The following ERI3 variants were observed in gnomAD, a reference collection of about 807,000 sequenced individuals.
The protein encoded by ERI3 is ERI1 exoribonuclease 3.
A neutral mutation model predicts 44.4 loss-of-function variants in ERI3; 18 were observed. That is an observed-to-expected ratio of 0.41 (90% CI 0.28 to 0.60). The LOEUF (loss-of-function observed/expected upper bound fraction) is 0.60, where lower values mean the gene tolerates loss of function less well. Among genes scored for constraint, ERI3 ranks in the 20% least tolerant of loss-of-function variants. ERI3 has a pLI of 0.36. For missense variants in ERI3, 294 were observed against 435.5 expected (o/e 0.68, Z 2.89); for synonymous variants, 183 against 164.8 (o/e 1.11, Z -0.84).
At chr1:44,319,790 C>A in intron 3 of ERI3, 46 bp from the exon 4 acceptor site, 1 of 1,330,402 alleles carries the variant, frequency 7.5e-7, no homozygotes, top group Non-Finnish European at 1.1e-6. Context: ...TTATTGTAAT[C>A]AACCATTTCC....
rs779624686 is a variant in ERI3 at position 44,339,155 on chromosome 1, C to A, written c.379G>T (p.Gly127Cys). 10 of 1,614,020 alleles carry A rather than the reference C, an allele frequency of 6.2e-6. No homozygotes were observed. The highest frequency in any genetic ancestry group is 5.9e-6 in the Non-Finnish European group (7 of 1,179,986). The change falls in exon 3 of 9, where the codon GGC becomes TGC. Residue 127 changes from glycine (G) to cysteine (C), a missense_variant. Physicochemically the swap from Gly to Cys is radical, Grantham distance 159 (BLOSUM62 -3). Coordinates refer to ENST00000372257, the MANE Select transcript of ERI3 (RefSeq NM_024066.3). The part of the protein sequence containing the change: ...SISTRKLAAH[G>C]FGASMAAMVS... ...ATTGCCGCCATGGATGCGCCAAAGC[C>A]GTGGGCCGCCAGCTTTCTGGTGGAT...
rs577051904 is a variant in ERI3 at position 44,221,712 on chromosome 1, G to T, written c.932-72C>A. ...CCATGCCCACAGGTGCTCTTACAAG[G>T]GTGGGGGTGGGAAGCAGGGTCAGAT... is the stretch of plus-strand genomic sequence containing the variant. On this transcript the variant is annotated intron_variant, in intron 8 of 8. Coordinates refer to ENST00000372257, the MANE Select transcript of ERI3 (RefSeq NM_024066.3). The surrounding 1 kb of genome is among the most constrained non-coding windows in gnomAD (Gnocchi z 5.9). 2.4e-6 allele frequency: 3 copies of T among 1,256,686 alleles called. No homozygotes were observed. The East Asian group carries it at 7.0e-5, about 29-fold the overall frequency. 77.8% of individuals were successfully genotyped at this position (1,256,686 alleles called of 1,614,324 possible).
chr1:44,272,353 A>G (rs1165361295), intron 7 of ERI3, among the ~76,000 whole-genome samples: 1 of 152,152 alleles, frequency 6.6e-6, no homozygotes, highest in African/African-American at 2.4e-5. Context: ...GCTAGTGAGT[A>G]GCAATATTAG....
intron 8 of ERI3, chr1:44,244,038 G>A (rs1016989342): frequency 1.3e-5 from 2 of 152,252 alleles, no homozygotes; most frequent in African/African-American, 4.8e-5. Flanking sequence ...CATTAAGACT[G>A]TTGTGAAAAC....
chr1:44,312,708 G>A (rs1204295369), intron 5 of ERI3, among the ~76,000 whole-genome samples: 3 of 152,264 alleles, frequency 2.0e-5, no homozygotes, highest in Non-Finnish European at 2.9e-5. Context: ...AGCTCCTGGA[G>A]GAGCTCTCAG....
intron 8 of ERI3, among the ~76,000 whole-genome samples, chr1:44,239,606 C>T (rs1200022042): frequency 6.6e-6 from 1 of 152,212 alleles, no homozygotes; most frequent in Non-Finnish European, 1.5e-5. Flanking sequence ...GCTCAGCTGG[C>T]CTGGCCTTGG....
intron 4 of ERI3, among the ~76,000 whole-genome samples, chr1:44,317,953 C>G (rs914524722): frequency 6.6e-6 from 1 of 152,138 alleles, no homozygotes; most frequent in African/African-American, 2.4e-5. Flanking sequence ...AGACCCGGTG[C>G]CTACAGAACA....
At chr1:44,265,334 T>C (rs957349205) in intron 7 of ERI3, among the ~76,000 whole-genome samples, 4 of 152,222 alleles carry the variant, frequency 2.6e-5, no homozygotes, top group Non-Finnish European at 5.9e-5. Flanking sequence ...TATACAGCTG[T>C]ACTCACAGCA....
At chr1:44,309,115 C>A (rs1443049046) in intron 5 of ERI3, among the ~76,000 whole-genome samples, 1 of 152,222 alleles carries the variant, frequency 6.6e-6, no homozygotes, top group African/African-American at 2.4e-5. Context: ...CTAAATCTTT[C>A]TTTCCCTTCA....
At chr1:44,281,822 C>T (rs1026713556) in intron 7 of ERI3, among the ~76,000 whole-genome samples, 1 of 151,132 alleles carries the variant, frequency 6.6e-6, no homozygotes, top group African/African-American at 2.4e-5. Flanking sequence ...GGAGTATACT[C>T]ACTTGGGCTG....
intron 7 of ERI3, among the ~76,000 whole-genome samples, chr1:44,269,733 C>G (rs1645054468): frequency 6.6e-6 from 1 of 152,156 alleles, no homozygotes; most frequent in Admixed American, 6.5e-5. Context: ...GGCCAGACTG[C>G]CTTCAGGTGG....
At chr1:44,233,518 C>T (rs552611717) in intron 8 of ERI3, among the ~76,000 whole-genome samples, 61 of 152,008 alleles carry the variant, frequency 4.0e-4, no homozygotes, top group Non-Finnish European at 2.4e-4. Context: ...ATTCTCCTGC[C>T]TTAGCCTCCA....
intron 6 of ERI3, among the ~76,000 whole-genome samples, chr1:44,286,687 G>A (rs987747392): frequency 1.3e-5 from 2 of 152,076 alleles, no homozygotes; most frequent in African/African-American, 4.8e-5. Flanking sequence ...ATCTAATTTT[G>A]GACTCGATTC....
rs1368478825 is a variant in ERI3 at position 44,310,959 on chromosome 1, GCGCGCACACACACA to G, written c.666+2196_666+2209del. ...TTGCATGTATGTGCACATCGCGCGC[GCGCGCACACACACA>G]CACACACACACACACACACACACAC... On this transcript the variant is annotated intron_variant, in intron 5 of 8. Coordinates refer to ENST00000372257, the MANE Select transcript of ERI3 (RefSeq NM_024066.3). Among the ~76,000 whole-genome samples the G allele has an allele frequency of 5.7e-3, 465 of 81,280 alleles. 4 individuals carry two copies. The highest frequency in any genetic ancestry group is 9.2e-3 in the Non-Finnish European group (378 of 41,258). The allele number at this position is 81,280 out of a possible 152,430, so 53.3% of individuals were successfully genotyped here.
chr1:44,259,670 T>C (rs1349702429), intron 7 of ERI3, among the ~76,000 whole-genome samples: 3 of 108,698 alleles, frequency 2.8e-5, no homozygotes, highest in Non-Finnish European at 5.5e-5. Flanking sequence ...GGCAAAATCC[T>C]ATCTCTACAA....
At chr1:44,307,279 G>A (rs1296018618) in intron 6 of ERI3, among the ~76,000 whole-genome samples, 4 of 152,072 alleles carry the variant, frequency 2.6e-5, no homozygotes, top group Admixed American at 2.6e-4. Context: ...TCACCTCAAT[G>A]CCCAGCATTC....
chr1:44,292,143 C>G (rs776319832), intron 6 of ERI3, among the ~76,000 whole-genome samples: 5 of 152,166 alleles, frequency 3.3e-5, no homozygotes, highest in Non-Finnish European at 5.9e-5. Flanking sequence ...TCCAGGCCAC[C>G]TGCATTGACA....
At chr1:44,284,553 G>GC (rs1469168302) in intron 7 of ERI3, among the ~76,000 whole-genome samples, 2 of 152,110 alleles carry the variant, frequency 1.3e-5, no homozygotes, top group African/African-American at 4.8e-5. Flanking sequence ...CTGAGCAAGA[G>GC]CCCCCCAAAA....
At chr1:44,316,802 A>G (rs1646097354) in intron 4 of ERI3, among the ~76,000 whole-genome samples, 1 of 152,154 alleles carries the variant, frequency 6.6e-6, no homozygotes, top group Non-Finnish European at 1.5e-5. Flanking sequence ...AAAAGAAGAC[A>G]TGGTTAGGGA....
Sources: gnomAD v4.1 joint callset for allele counts (sites outside exome capture counted in the v4.1 genomes callset) on GRCh38, gnomAD v4.1.1 for gene constraint, Gnocchi (gnomAD v3.1) non-coding constraint, MANE v1.5 for transcripts, NCBI Gene and HGNC (gene_info 2026-07-23, HGNC 2026-07-21) for gene names.